Variants in LOXL2 observed in about 807,000 individuals in gnomAD.
The protein encoded by LOXL2 is lysyl oxidase homolog 2.
Under a neutral mutation model 93.0 loss-of-function variants are expected in LOXL2, and 70 were observed. The observed-to-expected ratio is 0.75, with a 90% confidence interval of 0.62 to 0.92. LOXL2 has a LOEUF of 0.92. Ranked by LOEUF, LOXL2 falls within the 40% of genes least tolerant of loss-of-function variation. The pLI is 0.00. For missense variants in LOXL2, 973 were observed against 1,054.9 expected, an observed-to-expected ratio of 0.92 and a Z score of 1.08; for synonymous variants, 438 against 413.2, an observed-to-expected ratio of 1.06 and a Z score of -0.73.
intron 3 of LOXL2, among the ~76,000 whole-genome samples, chr8:23,345,937 G>C (rs939214409): frequency 4.2e-4 from 63 of 151,686 alleles, no homozygotes; most frequent in African/African-American, 1.5e-3. Flanking sequence ...GCATGGTGGC[G>C]GGCGCCTGTA....
At chr8:23,402,621 A>T (rs1800167083) in intron 1 of LOXL2, 1 of 152,206 alleles carries the variant, frequency 6.6e-6, no homozygotes, top group Non-Finnish European at 1.5e-5. Flanking sequence ...TCAATAACTA[A>T]TTCATTCCAC....
intron 2 of LOXL2, among the ~76,000 whole-genome samples, chr8:23,362,755 A>C (rs764059488): frequency 4.6e-5 from 7 of 152,152 alleles, no homozygotes; most frequent in Non-Finnish European, 8.8e-5. Flanking sequence ...CAAAAAGTTA[A>C]GGTGGTAAAT....
chr8:23,341,857 C>T (rs1271215860), intron 3 of LOXL2, among the ~76,000 whole-genome samples: 3 of 152,204 alleles, frequency 2.0e-5, no homozygotes, highest in African/African-American at 7.2e-5. Context: ...CAGAGACTCA[C>T]ACCTGCCTGG....
chr8:23,374,583 CTA>C (rs1804555658), intron 1 of LOXL2, among the ~76,000 whole-genome samples: 1 of 152,202 alleles, frequency 6.6e-6, no homozygotes, highest in African/African-American at 2.4e-5. Flanking sequence ...AAAAGTGTTC[CTA>C]TCTCTCCACA....
rs558985309 is a variant in LOXL2, at chr8:23,361,704, G to T, written c.356-1439C>A. 2.5e-4 allele frequency among the ~76,000 whole-genome samples: 38 copies of T among 152,250 alleles called. No individual in the cohort carries two copies. The South Asian group carries it at 6.8e-3, about 27-fold the overall frequency. On this transcript the variant is annotated intron_variant, in intron 2 of 13. Transcript: ENST00000389131. Reference sequence around the variant, plus strand: ...AAAATACAAAAAATTAGACAGGCGTGGTGGCACGTGCCTGTAATCCCAGCT... The same window carrying T: ...AAAATACAAAAAATTAGACAGGCGTTGTGGCACGTGCCTGTAATCCCAGCT...
chr8:23,392,153 C>G (rs1203404135), intron 1 of LOXL2, among the ~76,000 whole-genome samples: 1 of 152,178 alleles, frequency 6.6e-6, no homozygotes, highest in African/African-American at 2.4e-5. Context: ...CCCAGAGAAC[C>G]CAGTGATGGC....
intron 1 of LOXL2, among the ~76,000 whole-genome samples, chr8:23,374,338 C>T (rs1031245170): frequency 6.6e-6 from 1 of 152,102 alleles, no homozygotes; most frequent in Non-Finnish European, 1.5e-5. Context: ...TTTTCTTAAT[C>T]CAGTCTATCT....
chr8:23,357,082 T>C (rs1804213440), intron 3 of LOXL2, among the ~76,000 whole-genome samples: 2 of 152,116 alleles, frequency 1.3e-5, no homozygotes, highest in African/African-American at 4.8e-5. Flanking sequence ...TCTTTTTTTT[T>C]TTTTAGACGG....
chr8:23,342,677 C>T (rs531695144), intron 3 of LOXL2, among the ~76,000 whole-genome samples: 287 of 152,268 alleles, frequency 1.9e-3, no homozygotes, highest in African/African-American at 6.7e-3. Context: ...ATGATCAGCC[C>T]GCCTTGGCCT....
At chr8:23,304,627 C>T (rs1803198893) in intron 10 of LOXL2, among the ~76,000 whole-genome samples, 2 of 152,246 alleles carry the variant, frequency 1.3e-5, no homozygotes, top group African/African-American at 2.4e-5. Context: ...CTCGGGGCCG[C>T]AAGATTGAAT....
chr8:23,394,081 T>C (rs1354126646), intron 1 of LOXL2, among the ~76,000 whole-genome samples: 7 of 152,172 alleles, frequency 4.6e-5, no homozygotes. Context: ...AAATTGTTTA[T>C]AATTTAACAA....
At chr8:23,391,356 G>A (rs1279509791) in intron 1 of LOXL2, among the ~76,000 whole-genome samples, 1 of 152,170 alleles carries the variant, frequency 6.6e-6, no homozygotes, top group African/African-American at 2.4e-5. Flanking sequence ...TTCTGCAAAT[G>A]GGGAAGAGTT....
At chr8:23,363,877 ATTTT>A (rs1169957755) in intron 2 of LOXL2, 2 of 152,024 alleles carry the variant, frequency 1.3e-5, no homozygotes, top group East Asian at 1.9e-4. Context: ...TCATAACAAA[ATTTT>A]TTTTGTTTTT....
At chr8:23,364,744 A>T (rs1804370359) in intron 2 of LOXL2, 1 of 152,250 alleles carries the variant, frequency 6.6e-6, no homozygotes, top group Non-Finnish European at 1.5e-5. Flanking sequence ...CGGGGGGCTG[A>T]GATGGGAGGA....
chr8:23,365,535 ATC>A (rs1315571981), intron 2 of LOXL2: 1 of 151,040 alleles, frequency 6.6e-6, no homozygotes, highest in African/African-American at 2.4e-5. Context: ...TTTTTCAAGC[ATC>A]TGTTTCTTTC....
At chr8:23,377,494 TG>T (rs1563206420) in intron 1 of LOXL2, among the ~76,000 whole-genome samples, 1 of 127,002 alleles carries the variant, frequency 7.9e-6, no homozygotes, top group Non-Finnish European at 1.7e-5. Flanking sequence ...TGGATATCCT[TG>T]TTAACTTTCT....
intron 10 of LOXL2, among the ~76,000 whole-genome samples, chr8:23,306,059 C>T (rs955236147): frequency 6.6e-6 from 1 of 152,150 alleles, no homozygotes; most frequent in African/African-American, 2.4e-5. Flanking sequence ...GATCCACTCG[C>T]CTCCGTCTCC....
At chr8:23,330,396 G>T (rs780642953) in intron 5 of LOXL2, among the ~76,000 whole-genome samples, 2 of 151,988 alleles carry the variant, frequency 1.3e-5, no homozygotes, top group African/African-American at 2.4e-5. Flanking sequence ...AACAAAACAC[G>T]CATAACTACT....
In LOXL2 at chr8:23,317,125, CAACAA is replaced by C. The variant is rs778425980; in HGVS notation, c.1471-16_1471-12del. 2.5e-6 allele frequency: 4 copies of C among 1,613,312 alleles called. No individual in the cohort carries two copies. The African/African-American group carries it at 4.0e-5, about 16-fold the overall frequency. ...CCAATACCAGGTCTCCTGGAAGAAC[CAACAA>C]AACAAATGGTGGGTACATCATCTCA... is the stretch of plus-strand genomic sequence containing the variant. On this transcript the variant is annotated splice_polypyrimidine_tract_variant and intron_variant, in intron 8 of 13. Transcript: ENST00000389131.
Sources: allele counts gnomAD v4.1 joint callset (sites outside exome capture counted in the v4.1 genomes callset), GRCh38; gene constraint gnomAD v4.1.1; transcripts MANE v1.5; gene names NCBI Gene and HGNC (gene_info 2026-07-23, HGNC 2026-07-21).